TENT5C: variants seen among roughly 807,000 people sequenced by gnomAD.
The protein encoded by TENT5C is terminal nucleotidyltransferase 5C, also known as family with sequence similarity 46 member C.
Under a neutral mutation model 22.2 loss-of-function variants are expected in TENT5C, and 5 were observed. The ratio of observed to expected loss-of-function variants is 0.22; its 90% CI spans 0.12 to 0.47. The LOEUF (loss-of-function observed/expected upper bound fraction) is 0.47. TENT5C is among the 20% of genes least tolerant of loss of function. The pLI is 0.99. For synonymous variants in TENT5C, 199 were observed against 195.4 expected, an observed-to-expected ratio of 1.02 and a Z score of -0.15; for missense variants, 364 against 500.9, an observed-to-expected ratio of 0.73 and a Z score of 2.61.
In TENT5C at chr1:117,623,026, A is replaced by C. The variant is rs553880208; in HGVS notation, c.158A>C (p.Gln53Pro). 23 of 1,614,246 alleles carry C rather than the reference A, an allele frequency of 1.4e-5. No individual in the cohort carries two copies. The East Asian group carries it at 4.0e-4, about 28-fold the overall frequency. The part of the protein sequence containing the change: ...TLEITLKDIV[Q>P]TVRSRLEEAG... ...GAGATAACTCTGAAGGACATCGTCCAGACCGTCCGCAGTCGGCTGGAGGAG... is the reference window on the plus strand; with the variant it reads ...GAGATAACTCTGAAGGACATCGTCCCGACCGTCCGCAGTCGGCTGGAGGAG... The change falls in exon 2 of 2, where the codon CAG (glutamine) becomes CCG (proline). Residue 53 changes from glutamine (Q) to proline (P), a missense_variant. Gln to Pro is a moderately conservative substitution (Grantham distance 76). Transcript: ENST00000369448.
At chr1:117,619,674 T>G (rs1323397051) in intron 1 of TENT5C, among the ~76,000 whole-genome samples, 1 of 152,158 alleles carries the variant, frequency 6.6e-6, no homozygotes, top group East Asian at 1.9e-4. Flanking sequence ...TTACATTCAG[T>G]CTTTGATCTG....
intron 1 of TENT5C, among the ~76,000 whole-genome samples, chr1:117,611,054 C>G (rs1480674430): frequency 6.6e-6 from 1 of 152,212 alleles, no homozygotes; most frequent in African/African-American, 2.4e-5. Context: ...AACCCTCCAC[C>G]TTTCCTGGCT....
At chr1:117,617,396 T>C (rs982189030) in intron 1 of TENT5C, among the ~76,000 whole-genome samples, 106 of 151,308 alleles carry the variant, frequency 7.0e-4, no homozygotes, top group African/African-American at 2.3e-3. Flanking sequence ...TTTTTTTTTT[T>C]CCCTTCAGTG....
At chr1:117,609,099 A>C (rs1653606637) in intron 1 of TENT5C, among the ~76,000 whole-genome samples, 1 of 152,198 alleles carries the variant, frequency 6.6e-6, no homozygotes, top group African/African-American at 2.4e-5. Flanking sequence ...TGAAGCAGAC[A>C]CCTCTGTGTT....
chr1:117,617,083 G>C (rs1653797908), intron 1 of TENT5C, among the ~76,000 whole-genome samples: 1 of 152,140 alleles, frequency 6.6e-6, no homozygotes, highest in African/African-American at 2.4e-5. Context: ...CTCCCCTCCA[G>C]CTCATGCACC....
chr1:117,611,182 A>T lies in TENT5C; in HGVS notation c.-28+5029A>T, dbSNP rs116727472. Among the ~76,000 whole-genome samples the T allele has an allele frequency of 4.7e-3, 715 of 152,332 alleles. 6 individuals carry two copies. The highest frequency in any genetic ancestry group is 0.018 in the South Asian group (88 of 4,826). On this transcript the variant is annotated intron_variant, in intron 1 of 1. Coordinates refer to ENST00000369448, the MANE Select transcript of TENT5C (RefSeq NM_017709.4). ...TGCTATATGGACTTGGGCAGTTTCA[A>T]TCGTCATTCCTGTGGAATAACTGCA...
At chr1:117,607,613 G>T (rs772541511) in intron 1 of TENT5C, among the ~76,000 whole-genome samples, 4 of 152,288 alleles carry the variant, frequency 2.6e-5, no homozygotes, top group Non-Finnish European at 5.9e-5. Flanking sequence ...GAGGGTGACC[G>T]TTGTTGGCGA....
rs900074376 is a variant in TENT5C at position 117,628,237 on chromosome 1, G to A, written c.*4193G>A. On this transcript the variant is annotated 3_prime_UTR_variant, in exon 2 of 2. Coordinates refer to ENST00000369448, the MANE Select transcript of TENT5C (RefSeq NM_017709.4). ...TGAAATATTTCTTAGTGCCTAGGAG[G>A]TCTGGGGATTCCTCTTTCGTGGTGG... 1.1e-4 allele frequency: 27 copies of A among 247,324 alleles called. No homozygotes were observed. The East Asian group carries it at 1.5e-3, about 13-fold the overall frequency. The allele number at this position is 247,324 out of a possible 1,614,324, so 15.3% of individuals were successfully genotyped here. A position where few individuals can be genotyped will look rare whatever the true frequency, so the allele number is the denominator to read the frequency against.
chr1:117,623,282 T>C lies in TENT5C; in HGVS notation c.414T>C (p.Tyr138=), dbSNP rs1476968908. Residue 138 remains tyrosine, a synonymous_variant, in exon 2 of 2, where the codon TAT becomes TAC. Coordinates refer to ENST00000369448, the MANE Select transcript of TENT5C (RefSeq NM_017709.4). ...KISPVTLKEA[Y]VQKLVKVCTD... Reference sequence around the variant, plus strand: ...GTCCAGTCACTCTGAAGGAGGCATATGTGCAGAAGCTAGTGAAGGTTTGCA... The same window carrying C: ...GTCCAGTCACTCTGAAGGAGGCATACGTGCAGAAGCTAGTGAAGGTTTGCA... The C allele has an allele frequency of 1.2e-6, 2 of 1,614,048 alleles. No individual in the cohort carries two copies. The highest frequency in any genetic ancestry group is 1.7e-6 in the Non-Finnish European group (2 of 1,180,044).
rs1425141599 is a variant in TENT5C, at chr1:117,625,838, A to G, written c.*1794A>G. ...GAAACTCAAGGCTTAGCTGGTATCT[A>G]TGTTGTGCTACATTAGGTGACTAGA... On this transcript the variant is annotated 3_prime_UTR_variant, in exon 2 of 2. Coordinates refer to ENST00000369448, the MANE Select transcript of TENT5C (RefSeq NM_017709.4). 4 of 247,934 alleles carry G rather than the reference A, an allele frequency of 1.6e-5. No individual in the cohort carries two copies. Among genetic ancestry groups the G allele is most frequent in the African/African-American group, 8.8e-5 (4 of 45,338 alleles). 15.4% of individuals were successfully genotyped at this position (247,934 alleles called of 1,614,324 possible).
intron 1 of TENT5C, among the ~76,000 whole-genome samples, chr1:117,620,065 A>G (rs1269151560): frequency 6.6e-6 from 1 of 152,192 alleles, no homozygotes; most frequent in Non-Finnish European, 1.5e-5. Flanking sequence ...ACTTTAAAAT[A>G]TATGAAAACT....
chr1:117,619,660 G>T (rs116079729), intron 1 of TENT5C, among the ~76,000 whole-genome samples: 2,130 of 152,036 alleles, frequency 0.014, 48 homozygotes, highest in African/African-American at 0.047. Flanking sequence ...AGAGTTTCAT[G>T]CTTTTACATT....
intron 1 of TENT5C, among the ~76,000 whole-genome samples, chr1:117,612,392 A>G (rs1313232651): frequency 6.6e-6 from 1 of 151,762 alleles, no homozygotes; most frequent in East Asian, 1.9e-4. Context: ...TCATAAGGCA[A>G]TAGAATTTCA....
chr1:117,620,556 T>G (rs1051272582), intron 1 of TENT5C, among the ~76,000 whole-genome samples: 1 of 152,122 alleles, frequency 6.6e-6, no homozygotes, highest in African/African-American at 2.4e-5. Flanking sequence ...TTATTAGAAC[T>G]TAATTGTGTA....
chr1:117,625,167 C>T lies in TENT5C; in HGVS notation c.*1123C>T, dbSNP rs1653981178. On this transcript the variant is annotated 3_prime_UTR_variant, in exon 2 of 2. Coordinates refer to ENST00000369448, the MANE Select transcript of TENT5C (RefSeq NM_017709.4). ...AGGTGTGTTTGACAGCAACTCAATT[C>T]AGGAATTTCGGTAGAACTGAGTGAC... is the stretch of plus-strand genomic sequence containing the variant. 2 of 245,832 alleles carry T rather than the reference C, an allele frequency of 8.1e-6. 1 individual carries two copies. Among genetic ancestry groups the T allele is most frequent in the South Asian group, 3.7e-4 (2 of 5,474 alleles). The allele number at this position is 245,832 out of a possible 1,614,324, so 15.2% of individuals were successfully genotyped here.
At chr1:117,613,431 G>A (rs1370297) in intron 1 of TENT5C, among the ~76,000 whole-genome samples, 21,704 of 152,144 alleles carry the variant, frequency 0.14, 1,873 homozygotes, top group Admixed American at 0.24. Context: ...TTCTTCCAGC[G>A]TTATCTCTCC....
intron 1 of TENT5C, among the ~76,000 whole-genome samples, chr1:117,613,916 A>T (rs1178735124): frequency 6.6e-6 from 1 of 152,210 alleles, no homozygotes; most frequent in Non-Finnish European, 1.5e-5. Context: ...CGGGCATTTA[A>T]GTGGGCAACT....
Position 117,606,676 on chromosome 1 carries a change from A to C in TENT5C, c.-28+523A>C, listed in dbSNP as rs888825477. 2.0e-5 allele frequency among the ~76,000 whole-genome samples: 3 copies of C among 151,990 alleles called. No individual in the cohort carries two copies. In the East Asian group the frequency reaches 5.8e-4, roughly 29 times the overall value. ...GTGTGAATTCGAATTCGGCGGTTTCACTAGGCGCAGCTGGAGACGCAGCGG... is the reference window on the plus strand; with the variant it reads ...GTGTGAATTCGAATTCGGCGGTTTCCCTAGGCGCAGCTGGAGACGCAGCGG... On this transcript the variant is annotated intron_variant, in intron 1 of 1. Transcript: ENST00000369448.
chr1:117,622,026 C>T (rs940601291), intron 1 of TENT5C, among the ~76,000 whole-genome samples: 57 of 152,256 alleles, frequency 3.7e-4, no homozygotes, highest in African/African-American at 1.3e-3. Flanking sequence ...GCACACTGCC[C>T]GGGGGAAGTT....
Sources: allele counts gnomAD v4.1 joint callset (sites outside exome capture counted in the v4.1 genomes callset), GRCh38; gene constraint gnomAD v4.1.1; transcripts MANE v1.5; gene names NCBI Gene and HGNC (gene_info 2026-07-23, HGNC 2026-07-21).